Variants in PSME3 observed in about 807,000 individuals in gnomAD.
PSME3 encodes proteasome activator subunit 3, also known as proteasome activator complex subunit 3.
PSME3 carries 7 observed loss-of-function variants against 38.3 expected under a neutral mutation model. The observed-to-expected ratio is 0.18, with a 90% CI of 0.10 to 0.34. The LOEUF (loss-of-function observed/expected upper bound fraction) is 0.34. PSME3 is among the 10% of genes least tolerant of loss of function. The pLI is 1.00. For missense variants in PSME3, 192 were observed against 307.6 expected (o/e 0.62, Z 2.81); for synonymous variants, 108 against 105.7 (o/e 1.02, Z -0.13).
At position 42,843,178 on chromosome 17, in the gene PSME3, A is replaced by C. The variant is rs1428111494; in HGVS notation, c.*1600A>C. Reference sequence around the variant, plus strand: ...CTCACCCTATCACCCATGGATCGTAATGTAAAATTCTTTTACCATGTCAAG... The same window carrying C: ...CTCACCCTATCACCCATGGATCGTACTGTAAAATTCTTTTACCATGTCAAG... On this transcript the variant is annotated 3_prime_UTR_variant, in exon 11 of 11. Transcript: ENST00000590720. 1.3e-5 allele frequency: 2 copies of C among 152,702 alleles called. No homozygotes were observed. Among genetic ancestry groups the C allele is most frequent in the Non-Finnish European group, 2.9e-5 (2 of 68,032 alleles). 9.5% of individuals were successfully genotyped at this position (152,702 alleles called of 1,614,324 possible).
intron 4 of PSME3, among the ~76,000 whole-genome samples, chr17:42,836,950 G>A (rs1257575563): frequency 4.0e-5 from 6 of 150,000 alleles, no homozygotes; most frequent in African/African-American, 4.9e-5. Context: ...GCACAATCTC[G>A]GCTCACTGCA....
In PSME3 at chr17:42,834,437, GGAGAGA is replaced by G. The variant is rs59492997; in HGVS notation, c.76-51_76-46del. 4.0e-3 allele frequency: 6,063 copies of G among 1,534,916 alleles called. 3 individuals are homozygous for G. Among genetic ancestry groups the G allele is most frequent in the Non-Finnish European group, 5.0e-3 (5,611 of 1,116,218 alleles). On this transcript the variant is annotated intron_variant, in intron 2 of 10. Coordinates refer to ENST00000590720, the MANE Select transcript of PSME3 (RefSeq NM_005789.4). ...AGAATTTCCCAAAGAGGAGATACCT[GGAGAGA>G]GAGAGAGAGAGAGAGAGAGAGAGAG...
chr17:42,839,034 C>T (rs768431520), intron 8 of PSME3, 22 bp downstream of exon 8: 6 of 1,613,360 alleles, frequency 3.7e-6, no homozygotes, highest in Non-Finnish European at 5.1e-6. Context: ...TGGGCTTGGC[C>T]GAGGCGTTGG....
intron 8 of PSME3, 24 bp downstream of exon 8, chr17:42,839,036 A>G (rs780434170): frequency 6.2e-7 from 1 of 1,613,180 alleles, no homozygotes; most frequent in South Asian, 1.1e-5. Flanking sequence ...GGCTTGGCCG[A>G]GGCGTTGGGG....
intron 1 of PSME3, chr17:42,833,920 C>T (rs924725605): frequency 4.3e-5 from 62 of 1,443,878 alleles, no homozygotes; most frequent in African/African-American, 8.6e-5. Context: ...GGACTCAGGG[C>T]TTTAGGCCCG....
At chr17:42,837,746 A>C in intron 5 of PSME3, 49 bp downstream of exon 5, 1 of 1,575,416 alleles carries the variant, frequency 6.3e-7, no homozygotes, top group Non-Finnish European at 8.7e-7. Flanking sequence ...CCTGACTTGC[A>C]ACCCTGAGAA....
chr17:42,842,188 A>T lies in PSME3; in HGVS notation c.*610A>T, dbSNP rs2055542572. ...CGAAGCTCCTTCAGTTGTTTTTATA[A>T]TGGGCGTTTTCACATGCACATATGT... On this transcript the variant is annotated 3_prime_UTR_variant, in exon 11 of 11. Coordinates refer to ENST00000590720, the MANE Select transcript of PSME3 (RefSeq NM_005789.4). 1.3e-5 allele frequency: 2 copies of T among 152,446 alleles called. No individual in the cohort carries two copies. Among genetic ancestry groups the T allele is most frequent in the African/African-American group, 4.8e-5 (2 of 41,412 alleles). The allele number at this position is 152,446 out of a possible 1,614,324, so 9.4% of individuals were successfully genotyped here. A position where few individuals can be genotyped will look rare whatever the true frequency, so the allele number is the denominator to read the frequency against.
intron 4 of PSME3, among the ~76,000 whole-genome samples, chr17:42,836,400 T>C (rs2055464555): frequency 6.6e-6 from 1 of 152,224 alleles, no homozygotes; most frequent in South Asian, 2.1e-4. Context: ...GAATAATGTG[T>C]TCCTTTGTGG....
rs1272603056 is a variant in PSME3 at position 42,843,706 on chromosome 17, T to A, written c.*2128T>A. On this transcript the variant is annotated 3_prime_UTR_variant, in exon 11 of 11. Coordinates refer to ENST00000590720, the MANE Select transcript of PSME3 (RefSeq NM_005789.4). ...TTGGTTTTCAAATTACTTGGAGGGCTGCCTAGGAATCTATCTCCCTCTGAA... is the reference window on the plus strand; with the variant it reads ...TTGGTTTTCAAATTACTTGGAGGGCAGCCTAGGAATCTATCTCCCTCTGAA... 1 of 152,370 alleles carries A rather than the reference T, an allele frequency of 6.6e-6. No individual in the cohort carries two copies. The highest frequency in any genetic ancestry group is 1.5e-5 in the Non-Finnish European group (1 of 68,036). The allele number at this position is 152,370 out of a possible 1,614,324, so 9.4% of individuals were successfully genotyped here.
chr17:42,839,956 A>T (rs2055510858), intron 10 of PSME3, among the ~76,000 whole-genome samples: 1 of 150,346 alleles, frequency 6.7e-6, no homozygotes, highest in African/African-American at 2.5e-5. Flanking sequence ...AGATTGCTCC[A>T]TTGCACTCCA....
At chr17:42,837,980 G>T (rs2055483828) in intron 5 of PSME3, 113 bp from the exon 6 acceptor site, 1 of 1,155,698 alleles carries the variant, frequency 8.7e-7, no homozygotes, top group Non-Finnish European at 1.3e-6. Context: ...TGGTAGGATT[G>T]TGACAAAGGC....
chr17:42,837,619 A>G, intron 4 of PSME3, 30 bp from the exon 5 acceptor site: 14 of 1,612,078 alleles, frequency 8.7e-6, no homozygotes, highest in Non-Finnish European at 1.2e-5. Context: ...TGTCAAAACT[A>G]GGCTCATCCC....
At position 42,838,328 on chromosome 17, in the gene PSME3, G is replaced by A. The variant is rs565658571; in HGVS notation, c.405+123G>A. ...AGGTTTTTTTGAGTTTTTTTTTTGA[G>A]ATGGGGTCTCGCTCCATCACCCAGG... On this transcript the variant is annotated intron_variant, in intron 6 of 10. Transcript: ENST00000590720. The A allele has an allele frequency of 9.7e-5, 141 of 1,451,770 alleles. No individual in the cohort carries two copies. In the African/African-American group the frequency reaches 1.5e-3, roughly 15 times the overall value. 89.9% of individuals were successfully genotyped at this position (1,451,770 alleles called of 1,614,324 possible).
intron 6 of PSME3, 173 bp from the exon 7 acceptor site, chr17:42,838,558 T>A (rs2055492062): frequency 2.9e-6 from 2 of 697,932 alleles, no homozygotes; most frequent in Non-Finnish European, 2.4e-6. Context: ...CCTCAGGTGA[T>A]CCACCCGCTT....
intron 5 of PSME3, 92 bp from the exon 6 acceptor site, chr17:42,838,001 G>A (rs2055483962): frequency 5.3e-6 from 7 of 1,331,494 alleles, no homozygotes; most frequent in Admixed American, 3.7e-5. Flanking sequence ...AGAGGTCATA[G>A]CATCTGATAG....
At position 42,834,361 on chromosome 17, in the gene PSME3, G is replaced by A; in HGVS notation, c.60G>A (p.Glu20=). The A allele has an allele frequency of 6.2e-7, 1 of 1,614,094 alleles. No homozygotes were observed. Among genetic ancestry groups the A allele is most frequent in the Non-Finnish European group, 8.5e-7 (1 of 1,180,028 alleles). ...AATTTTAGGTTGATTCTTTCAGGGA[G>A]CGGATCACAAGTGAGGTGAGTGAAA... is the stretch of plus-strand genomic sequence containing the variant. ...EVKLKVDSFR[E]RITSEAEDLV... is the part of the protein sequence containing the mutation. The change falls in exon 2 of 11, where the codon GAG becomes GAA. Residue 20 remains glutamate, a synonymous_variant. Transcript: ENST00000590720.
rs1221129445 is a variant in PSME3, at chr17:42,841,544, G to A, written c.731G>A (p.Arg244Gln). Residue 244 changes from arginine to glutamine, a missense_variant, in exon 11 of 11, where the codon CGG (arginine) becomes CAG (glutamine). Arg to Gln is a conservative substitution (Grantham distance 43). Around this residue, in one of 2 missense-constraint regions of PSME3, gnomAD observed 82 missense variants for 168.2 expected, o/e 0.49. Transcript: ENST00000590720. ...CTGAAAAATATCGAGAAGATCAAAC[G>A]GCCCCGGAGCAGCAATGCAGAGACT... Reference protein sequence around the residue: ...MILKNIEKIKRPRSSNAETLY With the variant: ...MILKNIEKIKQPRSSNAETLY 6 of 1,609,626 alleles carry A rather than the reference G, an allele frequency of 3.7e-6. No homozygotes were observed. Among genetic ancestry groups the A allele is most frequent in the Non-Finnish European group, 5.1e-6 (6 of 1,177,730 alleles).
chr17:42,834,929 C>G (rs2055444003), intron 4 of PSME3, 53 bp downstream of exon 4: 1 of 1,605,696 alleles, frequency 6.2e-7, no homozygotes, highest in South Asian at 1.1e-5. Flanking sequence ...CCTCTGTCCT[C>G]TGTTTCCTTG....
chr17:42,838,631 T>TGA, intron 6 of PSME3, 100 bp from the exon 7 acceptor site: 1 of 1,170,038 alleles, frequency 8.5e-7, no homozygotes, highest in South Asian at 1.3e-5. Context: ...CTAGGTATTT[T>TGA]GACTTCTGTG....
Sources: gnomAD v4.1 joint callset for allele counts (sites outside exome capture counted in the v4.1 genomes callset) on GRCh38, gnomAD v4.1.1 for gene constraint, gnomAD v4.1.1 regional missense constraint, MANE v1.5 for transcripts, NCBI Gene and HGNC (gene_info 2026-07-23, HGNC 2026-07-21) for gene names.